Variants in WDR41 observed in about 807,000 individuals in gnomAD.
WDR41 encodes the protein WD repeat domain 41.
WDR41 carries 63 observed loss-of-function variants against 69.3 expected under a neutral mutation model. The ratio of observed to expected loss-of-function variants is 0.91; its 90% confidence interval spans 0.74 to 1.12. The LOEUF is 1.12. WDR41 is among the 50% of genes most tolerant of loss of function. WDR41 has a pLI of 0.00. For synonymous variants in WDR41, 185 were observed against 192.1 expected (o/e 0.96, Z 0.31); for missense variants, 543 against 534.5 (o/e 1.02, Z -0.16).
chr5:77,463,053 A>G lies in WDR41; in HGVS notation c.348+42T>C, dbSNP rs770170725. The G allele has an allele frequency of 3.1e-6, 5 of 1,600,378 alleles. No individual in the cohort carries two copies. The South Asian group carries it at 4.5e-5, about 14-fold the overall frequency. On this transcript the variant is annotated intron_variant, in intron 4 of 12. Coordinates refer to ENST00000296679, the MANE Select transcript of WDR41 (RefSeq NM_018268.4). ...CTAATAGTGTATGTAGTGGCTCCTT[A>G]GGCCACTACAGCTTGTTCATTTCTT...
chr5:77,569,712 T>A (rs1346166276), intron 1 of WDR41, among the ~76,000 whole-genome samples: 4 of 152,220 alleles, frequency 2.6e-5, no homozygotes, highest in Non-Finnish European at 5.9e-5. Context: ...GTAAATGTCG[T>A]ATATAATAGT....
intron 2 of WDR41, among the ~76,000 whole-genome samples, chr5:77,470,771 A>C (rs911886219): frequency 6.6e-6 from 1 of 152,238 alleles, no homozygotes; most frequent in East Asian, 1.9e-4. Context: ...CACCCAGATG[A>C]ATAAAGCAAG....
chr5:77,594,344 ACATAG>A (rs915113691), intron 1 of WDR41, among the ~76,000 whole-genome samples: 4 of 152,168 alleles, frequency 2.6e-5, no homozygotes, highest in African/African-American at 9.6e-5. Flanking sequence ...CAGCACACCA[ACATAG>A]CACATGTATA....
At chr5:77,546,908 A>G (rs1432659743) in intron 1 of WDR41, among the ~76,000 whole-genome samples, 1 of 152,170 alleles carries the variant, frequency 6.6e-6, no homozygotes, top group Non-Finnish European at 1.5e-5. Flanking sequence ...ACAAAATATC[A>G]AAAAGATAAT....
chr5:77,502,252 A>C (rs575960017), intron 1 of WDR41, among the ~76,000 whole-genome samples: 31 of 152,338 alleles, frequency 2.0e-4, no homozygotes, highest in African/African-American at 7.0e-4. Context: ...AATTCAATCA[A>C]ATGGAAGAAA....
At chr5:77,437,183 G>T (rs1798970148) in intron 11 of WDR41, among the ~76,000 whole-genome samples, 153 bp downstream of exon 11, 1 of 152,170 alleles carries the variant, frequency 6.6e-6, no homozygotes, top group African/African-American at 2.4e-5. Context: ...GTAAATCCTA[G>T]ATCTCAATTA....
Position 77,474,968 on chromosome 5 carries a change from G to A in WDR41, c.168-10159C>T, listed in dbSNP as rs568377488. Among the ~76,000 whole-genome samples, 616 of 152,292 alleles carry A rather than the reference G, an allele frequency of 4.0e-3. 3 individuals carry two copies. Among genetic ancestry groups the A allele is most frequent in the Non-Finnish European group, 7.0e-3 (477 of 68,016 alleles). ...AGGTCAGTGGGTGCGTGCACCGTGCGCGAGCCGAAGCAGGGCGACGCATTG... is the reference window on the plus strand; with the variant it reads ...AGGTCAGTGGGTGCGTGCACCGTGCACGAGCCGAAGCAGGGCGACGCATTG... On this transcript the variant is annotated intron_variant, in intron 2 of 12. Transcript: ENST00000296679.
At position 77,433,186 on chromosome 5, in the gene WDR41, T is replaced by C. The variant is rs776736983; in HGVS notation, c.1329A>G (p.Leu443=). ...NGERESGLRS[L]RLFQKLEENG... Reference sequence around the variant, plus strand: ...TCTCCTCTAATTTTTGAAATAATCTTAAACTGCGCAATCCAGATTCTCGCT... The same window carrying C: ...TCTCCTCTAATTTTTGAAATAATCTCAAACTGCGCAATCCAGATTCTCGCT... The change falls in exon 13 of 13, where the codon TTA becomes TTG. Residue 443 remains leucine (L), a synonymous_variant. Transcript: ENST00000296679. The C allele has an allele frequency of 3.1e-6, 5 of 1,613,982 alleles. No individual in the cohort carries two copies. The South Asian group carries it at 5.5e-5, about 18-fold the overall frequency.
intron 4 of WDR41, among the ~76,000 whole-genome samples, chr5:77,461,936 A>G (rs1257540877): frequency 6.6e-6 from 1 of 152,200 alleles, no homozygotes; most frequent in Admixed American, 6.5e-5. Context: ...CACCAAGCCA[A>G]TTCCTCATAC....
chr5:77,617,908 T>C (rs1290931834), intron 1 of WDR41, among the ~76,000 whole-genome samples: 1 of 152,166 alleles, frequency 6.6e-6, no homozygotes, highest in East Asian at 1.9e-4. Flanking sequence ...ACTTGAGGGC[T>C]GAGGATATGG....
At chr5:77,508,333 T>TG (rs1802145182) in intron 1 of WDR41, among the ~76,000 whole-genome samples, 1 of 152,128 alleles carries the variant, frequency 6.6e-6, no homozygotes, top group East Asian at 1.9e-4. Flanking sequence ...AGACTGATCT[T>TG]GAACTCCTGG....
chr5:77,484,217 A>G (rs163035), intron 2 of WDR41, among the ~76,000 whole-genome samples: 95,432 of 152,110 alleles, frequency 0.63, 31,495 homozygotes, highest in African/African-American at 0.83. Context: ...CCAACTAAAC[A>G]AAACTCAGCT....
At chr5:77,451,952 T>G (rs762848694) in intron 6 of WDR41, 1 of 151,842 alleles carries the variant, frequency 6.6e-6, no homozygotes. Context: ...CTACAAGGCA[T>G]GTTACAATTT....
At chr5:77,600,316 C>T (rs1429040776) in intron 1 of WDR41, among the ~76,000 whole-genome samples, 1 of 152,140 alleles carries the variant, frequency 6.6e-6, no homozygotes, top group African/African-American at 2.4e-5. Context: ...AATCTTAAAA[C>T]CTTCATGCTA....
At chr5:77,574,154 C>T (rs563277944) in intron 1 of WDR41, among the ~76,000 whole-genome samples, 2 of 152,052 alleles carry the variant, frequency 1.3e-5, no homozygotes, top group African/African-American at 2.4e-5. Flanking sequence ...AAAAATTAGC[C>T]AGGTATGGTG....
At chr5:77,470,351 T>C (rs796803837) in intron 2 of WDR41, among the ~76,000 whole-genome samples, 2 of 152,270 alleles carry the variant, frequency 1.3e-5, no homozygotes, top group South Asian at 2.1e-4. Context: ...CCATCGAGGC[T>C]AGGAAGAAAC....
chr5:77,444,027 T>C (rs1021001780), intron 8 of WDR41, among the ~76,000 whole-genome samples: 3 of 151,936 alleles, frequency 2.0e-5, no homozygotes, highest in Admixed American at 2.0e-4. Flanking sequence ...ACTACAGGCA[T>C]GTGACACCAC....
At chr5:77,496,194 T>G (rs775013581), upstream of WDR41, among the ~76,000 whole-genome samples, 3 of 152,028 alleles carry the variant, frequency 2.0e-5, no homozygotes, top group African/African-American at 7.2e-5. Flanking sequence ...GCTTCTCCCC[T>G]AAGATGAGAA....
intron 7 of WDR41, 23 bp from the exon 8 acceptor site, chr5:77,449,893 A>AT (rs1262738889): frequency 6.7e-7 from 1 of 1,498,624 alleles, no homozygotes; most frequent in Non-Finnish European, 9.3e-7. Context: ...GACAGATAAA[A>AT]TTTTATTACA....
Sources: allele counts gnomAD v4.1 joint callset (sites outside exome capture counted in the v4.1 genomes callset), GRCh38; gene constraint gnomAD v4.1.1; transcripts MANE v1.5; gene names NCBI Gene and HGNC (gene_info 2026-07-23, HGNC 2026-07-21).